CASK: variants seen among roughly 807,000 people sequenced by gnomAD.
CASK encodes peripheral plasma membrane protein CASK.
A neutral mutation model predicts 82.9 loss-of-function variants in CASK; 4 were observed. The ratio of observed to expected loss-of-function variants is 0.05; its 90% CI spans 0.02 to 0.11. The LOEUF (loss-of-function observed/expected upper bound fraction) is 0.11. Ranked by LOEUF, CASK falls within the 10% of genes least tolerant of loss-of-function variation. The probability of loss-of-function intolerance (pLI) is 1.00; values close to 1 mark genes in which losing one functional copy is unlikely to be tolerated. For synonymous variants in CASK, 259 were observed against 253.5 expected, an observed-to-expected ratio of 1.02 and a Z score of -0.20; for missense variants, 358 against 720.9, an observed-to-expected ratio of 0.50 and a Z score of 5.76.
intron 5 of CASK, among the ~76,000 whole-genome samples, chrX:41,734,064 A>G (rs974319366): frequency 1.8e-5 from 2 of 111,881 alleles, no homozygotes; most frequent in Non-Finnish European, 3.8e-5. Context: ...AACCATTTAA[A>G]GGAAGCACAC....
chrX:41,524,041 T>TAA lies in CASK; in HGVS notation c.2521-9_2521-8dup, dbSNP rs748550779. 6.5e-6 allele frequency: 7 copies of TAA among 1,080,636 alleles called. No individual in the cohort carries two copies. The highest frequency in any genetic ancestry group is 3.1e-5 in the East Asian group (1 of 32,070). 89.1% of individuals were successfully genotyped at this position (1,080,636 alleles called of 1,213,427 possible). ...TTCTCAGGACCTTCAGTGCCTGTGT[T>TAA]AAGAAAAAAAAAAAAAATCCCGACT... On this transcript the variant is annotated splice_polypyrimidine_tract_variant and splice_region_variant and intron_variant, in intron 25 of 26. Transcript: ENST00000378163.
intron 5 of CASK, among the ~76,000 whole-genome samples, chrX:41,716,324 T>G (rs181121972): frequency 3.3e-4 from 37 of 112,395 alleles, no homozygotes; most frequent in African/African-American, 1.1e-3. Context: ...AAACACTGGT[T>G]GTCTAAAACA....
At chrX:41,690,428 C>A (rs940230560) in intron 5 of CASK, among the ~76,000 whole-genome samples, 4 of 110,433 alleles carry the variant, frequency 3.6e-5, no homozygotes, top group Non-Finnish European at 7.6e-5. Context: ...CTCACTGCAG[C>A]CTCTGTCTCC....
intron 12 of CASK, among the ~76,000 whole-genome samples, chrX:41,591,739 C>T (rs1047368736): frequency 2.7e-5 from 3 of 109,724 alleles, no homozygotes; most frequent in Non-Finnish European, 3.8e-5. Context: ...CCTCCCAAAG[C>T]GCTGGAATTA....
intron 11 of CASK, among the ~76,000 whole-genome samples, chrX:41,621,250 C>G (rs1439328359): frequency 8.9e-6 from 1 of 111,815 alleles, no homozygotes; most frequent in Non-Finnish European, 1.9e-5. Flanking sequence ...GTATTTCCAG[C>G]CTTGTGTAAT....
chrX:41,865,690 G>A (rs753890862), intron 1 of CASK, among the ~76,000 whole-genome samples: 2 of 111,251 alleles, frequency 1.8e-5, no homozygotes, highest in East Asian at 5.7e-4. Context: ...TTAGCAGGGT[G>A]GTCACCCTGC....
chrX:41,614,210 A>G (rs1020792069), intron 11 of CASK, among the ~76,000 whole-genome samples: 8 of 110,329 alleles, frequency 7.3e-5, no homozygotes, highest in African/African-American at 2.6e-4. Context: ...TTCCCCTCCT[A>G]CCCTATCCCC....
At chrX:41,822,151 G>A (rs1361893591) in intron 2 of CASK, among the ~76,000 whole-genome samples, 1 of 112,351 alleles carries the variant, frequency 8.9e-6, no homozygotes, top group Non-Finnish European at 1.9e-5. Context: ...ATTAGAGCAG[G>A]CACTGACTTG....
At chrX:41,747,596 G>C (rs942618194) in intron 3 of CASK, among the ~76,000 whole-genome samples, 4 of 111,191 alleles carry the variant, frequency 3.6e-5, no homozygotes, top group Non-Finnish European at 7.5e-5. Context: ...CCGCCACCAC[G>C]CCCGGCTAAT....
chrX:41,653,909 A>T (rs2147442712), intron 8 of CASK, among the ~76,000 whole-genome samples: 1 of 112,210 alleles, frequency 8.9e-6, no homozygotes, highest in Non-Finnish European at 1.9e-5. Context: ...ACAGGGAGTT[A>T]TTCCTGAGGG....
intron 2 of CASK, among the ~76,000 whole-genome samples, chrX:41,841,517 T>G (rs1267012659): frequency 3.8e-5 from 4 of 106,647 alleles, no homozygotes; most frequent in Non-Finnish European, 5.8e-5. Context: ...TTTTGTTTTT[T>G]TTTTTTTTTT....
chrX:41,610,154 G>A (rs1481677135), intron 11 of CASK, 129 bp from the exon 12 acceptor site: 8 of 633,383 alleles, frequency 1.3e-5, no homozygotes, highest in East Asian at 7.2e-5. Context: ...TGTCTTTACT[G>A]AAGGATAGAC....
intron 2 of CASK, among the ~76,000 whole-genome samples, chrX:41,848,997 C>T (rs766182450): frequency 1.8e-5 from 2 of 111,764 alleles, no homozygotes; most frequent in South Asian, 7.5e-4. Flanking sequence ...TGTCAGTTTT[C>T]TCTTTTTTTT....
chrX:41,697,595 A>G (rs904705511), intron 5 of CASK: 2 of 111,973 alleles, frequency 1.8e-5, no homozygotes, highest in East Asian at 2.8e-4. Flanking sequence ...AAATAAGGAC[A>G]TAACAGCAAA....
Position 41,514,993 on chromosome X carries a change from AATT to A in CASK, c.*5424_*5426del, listed in dbSNP as rs1358474903. The A allele has an allele frequency of 2.7e-5, 3 of 112,590 alleles. No homozygotes were observed. Among genetic ancestry groups the A allele is most frequent in the African/African-American group, 9.7e-5 (3 of 30,966 alleles). 9.3% of individuals were successfully genotyped at this position (112,590 alleles called of 1,213,427 possible). A position where few individuals can be genotyped will look rare whatever the true frequency, so the allele number is the denominator to read the frequency against. Reference sequence around the variant, plus strand: ...TCCAACTTTGAAATGACAAAAGCCCAATTCTATGGTTTCCCATTACACAGCATC... The same window carrying A: ...TCCAACTTTGAAATGACAAAAGCCCACTATGGTTTCCCATTACACAGCATC... On this transcript the variant is annotated 3_prime_UTR_variant, in exon 27 of 27. Coordinates refer to ENST00000378163, the MANE Select transcript of CASK (RefSeq NM_001367721.1).
chrX:41,641,428 T>A (rs2066651138), intron 8 of CASK, among the ~76,000 whole-genome samples: 1 of 111,788 alleles, frequency 8.9e-6, no homozygotes, highest in South Asian at 3.7e-4. Context: ...AATGACAGTA[T>A]ACTTTACAGT....
chrX:41,729,748 T>TCAA (rs1189913827), intron 5 of CASK: 1 of 18,209 alleles, frequency 5.5e-5, no homozygotes, highest in African/African-American at 2.2e-4. Flanking sequence ...AGACTCTGTC[T>TCAA]CAAAAAAAAA....
intron 1 of CASK, among the ~76,000 whole-genome samples, chrX:41,865,787 T>G (rs779364051): frequency 3.9e-4 from 44 of 111,536 alleles, no homozygotes; most frequent in Non-Finnish European, 7.9e-4. Context: ...CAATGCTATT[T>G]TGGTGTGCTT....
intron 2 of CASK, among the ~76,000 whole-genome samples, chrX:41,829,754 T>A (rs2070756893): frequency 1.9e-5 from 1 of 52,246 alleles, no homozygotes; most frequent in Non-Finnish European, 3.4e-5. Flanking sequence ...TATATATATA[T>A]ATGTCAGCTT....
Sources: gnomAD v4.1 joint callset for allele counts (sites outside exome capture counted in the v4.1 genomes callset) on GRCh38, gnomAD v4.1.1 for gene constraint, MANE v1.5 for transcripts, NCBI Gene and HGNC (gene_info 2026-07-23, HGNC 2026-07-21) for gene names.